THSD7B: variants seen among roughly 807,000 people sequenced by gnomAD.
THSD7B encodes thrombospondin type-1 domain-containing protein 7B.
Under a neutral mutation model 213.6 loss-of-function variants are expected in THSD7B, and 138 were observed. The ratio of observed to expected loss-of-function variants is 0.65; its 90% CI spans 0.56 to 0.74. The LOEUF is 0.74. THSD7B is among the 30% of genes least tolerant of loss of function. The pLI is 0.00. For synonymous variants in THSD7B, 742 were observed against 687.0 expected (o/e 1.08, Z -1.25); for missense variants, 1,931 against 1,991.5 (o/e 0.97, Z 0.58).
At chr2:137,526,928 A>G (rs1350096755) in intron 15 of THSD7B, among the ~76,000 whole-genome samples, 1 of 152,136 alleles carries the variant, frequency 6.6e-6, no homozygotes. Context: ...ACCAAAGAGG[A>G]AAATCCTCAG....
At chr2:137,247,001 G>A (rs909795575) in intron 10 of THSD7B, among the ~76,000 whole-genome samples, 1 of 152,142 alleles carries the variant, frequency 6.6e-6, no homozygotes, top group African/African-American at 2.4e-5. Context: ...CTTATAAGCA[G>A]TGAAGGATGA....
intron 21 of THSD7B, 45 bp from the exon 22 acceptor site, chr2:137,655,456 T>G: frequency 2.6e-6 from 4 of 1,561,192 alleles, no homozygotes; most frequent in Non-Finnish European, 3.5e-6. Flanking sequence ...AACTTTGAGA[T>G]GTGAATTATT....
intron 1 of THSD7B, among the ~76,000 whole-genome samples, chr2:136,796,480 C>T (rs1328753661): frequency 2.0e-5 from 3 of 151,914 alleles, no homozygotes; most frequent in South Asian, 2.1e-4. Context: ...AGTTTTCTTT[C>T]AAAACTAGAC....
At chr2:136,886,968 A>G (rs1479316779) in intron 2 of THSD7B, among the ~76,000 whole-genome samples, 1 of 152,200 alleles carries the variant, frequency 6.6e-6, no homozygotes, top group Non-Finnish European at 1.5e-5. Context: ...TTAAATATGT[A>G]GTCCTAGAAA....
intron 15 of THSD7B, among the ~76,000 whole-genome samples, chr2:137,556,634 C>T (rs1030095610): frequency 6.6e-6 from 1 of 152,168 alleles, no homozygotes; most frequent in Non-Finnish European, 1.5e-5. Context: ...ACTGCATCAA[C>T]TAATGAGCAA....
intron 27 of THSD7B, among the ~76,000 whole-genome samples, chr2:137,669,085 T>A (rs928859964): frequency 2.0e-5 from 3 of 152,216 alleles, no homozygotes; most frequent in Admixed American, 6.5e-5. Flanking sequence ...GGATTTTTTT[T>A]AATTTTAATG....
chr2:137,447,532 T>A (rs1232257262), intron 14 of THSD7B, among the ~76,000 whole-genome samples: 1 of 152,152 alleles, frequency 6.6e-6, no homozygotes, highest in African/African-American at 2.4e-5. Flanking sequence ...ATCCTTTATT[T>A]AGCTTTTACT....
At chr2:136,964,698 T>A (rs1333223520) in intron 2 of THSD7B, among the ~76,000 whole-genome samples, 1 of 152,118 alleles carries the variant, frequency 6.6e-6, no homozygotes, top group Admixed American at 6.5e-5. Context: ...ATTTCTCTTC[T>A]TCTCTATGTA....
chr2:137,267,764 T>C (rs1337448933), intron 10 of THSD7B, among the ~76,000 whole-genome samples: 1 of 152,218 alleles, frequency 6.6e-6, no homozygotes, highest in Non-Finnish European at 1.5e-5. Flanking sequence ...GGATCTGACA[T>C]AGATTAAGAT....
chr2:137,426,358 C>T (rs911750961), intron 14 of THSD7B, among the ~76,000 whole-genome samples: 17 of 151,808 alleles, frequency 1.1e-4, no homozygotes, highest in Middle Eastern at 3.4e-3. Context: ...CCACAAAAGA[C>T]CTTGAATAGG....
At chr2:137,348,951 A>G (rs1323711446) in intron 12 of THSD7B, among the ~76,000 whole-genome samples, 1 of 151,594 alleles carries the variant, frequency 6.6e-6, no homozygotes, top group Non-Finnish European at 1.5e-5. Flanking sequence ...AATCAACCAT[A>G]TTATAAAATA....
At chr2:136,932,241 A>C (rs527303801) in intron 2 of THSD7B, among the ~76,000 whole-genome samples, 36 of 152,366 alleles carry the variant, frequency 2.4e-4, no homozygotes, top group African/African-American at 8.2e-4. Flanking sequence ...AGATAAGAAG[A>C]AGAAAATTAT....
chr2:137,495,544 A>G (rs1679541561), intron 15 of THSD7B, among the ~76,000 whole-genome samples: 1 of 152,158 alleles, frequency 6.6e-6, no homozygotes, highest in African/African-American at 2.4e-5. Context: ...CATCGCCCCA[A>G]GGATTATCTT....
chr2:136,847,193 C>T (rs778213), intron 1 of THSD7B, among the ~76,000 whole-genome samples: 122,507 of 152,050 alleles, frequency 0.81, 49,670 homozygotes, highest in Middle Eastern at 0.95. Context: ...CTGTTACTGG[C>T]CGAGGGGCCA....
chr2:136,914,996 A>G (rs960115634), intron 2 of THSD7B, among the ~76,000 whole-genome samples: 2 of 152,242 alleles, frequency 1.3e-5, no homozygotes, highest in African/African-American at 2.4e-5. Flanking sequence ...GGCATTTTAG[A>G]CTAGAAAAAT....
At chr2:136,986,711 A>G (rs1685680479) in intron 2 of THSD7B, among the ~76,000 whole-genome samples, 2 of 152,130 alleles carry the variant, frequency 1.3e-5, no homozygotes, top group Non-Finnish European at 2.9e-5. Flanking sequence ...TTTTTTTTGA[A>G]AGTCAGATTA....
chr2:137,340,313 A>G (rs1002880017), intron 12 of THSD7B, among the ~76,000 whole-genome samples: 1 of 151,908 alleles, frequency 6.6e-6, no homozygotes, highest in African/African-American at 2.4e-5. Context: ...AGGAATTCAG[A>G]GGATAATTTT....
At position 137,296,269 on chromosome 2, in the gene THSD7B, T is replaced by C. The variant is rs538064329; in HGVS notation, c.2500+20243T>C. On this transcript the variant is annotated intron_variant, in intron 12 of 27. Transcript: ENST00000409968. ...CTCAACTAGAATTTTTTCATAGTTTTCTTCAGCTTAACTCTTACTGCACTT... is the reference window on the plus strand; with the variant it reads ...CTCAACTAGAATTTTTTCATAGTTTCCTTCAGCTTAACTCTTACTGCACTT... Among the ~76,000 whole-genome samples, 11 of 152,292 alleles carry C rather than the reference T, an allele frequency of 7.2e-5. No homozygotes were observed. The South Asian group carries it at 2.3e-3, about 32-fold the overall frequency.
chr2:137,581,631 A>T (rs1681576698), intron 17 of THSD7B, among the ~76,000 whole-genome samples: 1 of 151,976 alleles, frequency 6.6e-6, no homozygotes, highest in Non-Finnish European at 1.5e-5. Flanking sequence ...AATAATAATT[A>T]TAAAAATAAA....
Sources: allele counts gnomAD v4.1 joint callset (sites outside exome capture counted in the v4.1 genomes callset), GRCh38; gene constraint gnomAD v4.1.1; transcripts MANE v1.5; gene names NCBI Gene and HGNC (gene_info 2026-07-23, HGNC 2026-07-21).